HS3ST4: variants seen among roughly 807,000 people sequenced by gnomAD.
HS3ST4 encodes heparan sulfate-glucosamine 3-sulfotransferase 4.
A neutral mutation model predicts 29.2 loss-of-function variants in HS3ST4; 17 were observed. That is an observed-to-expected ratio of 0.58 (90% CI 0.40 to 0.87). HS3ST4 has a LOEUF of 0.87. Among genes scored for constraint, HS3ST4 ranks in the 40% least tolerant of loss-of-function variants. The pLI is 0.00. For synonymous variants in HS3ST4, 314 were observed against 285.7 expected (o/e 1.10, Z -1.00); for missense variants, 627 against 634.5 (o/e 0.99, Z 0.13).
chr16:25,924,247 A>G (rs1483599741), intron 1 of HS3ST4, among the ~76,000 whole-genome samples: 1 of 152,166 alleles, frequency 6.6e-6, no homozygotes, highest in African/African-American at 2.4e-5. Flanking sequence ...AAGTCCTGAC[A>G]ATTTTACCCC....
chr16:25,819,372 G>A (rs72778992), intron 1 of HS3ST4, among the ~76,000 whole-genome samples: 33,027 of 152,074 alleles, frequency 0.22, 3,881 homozygotes, highest in Non-Finnish European at 0.25. Context: ...ACAGCCCTGT[G>A]CAGTTTATGT....
chr16:26,039,820 G>A (rs1197208483), intron 1 of HS3ST4, among the ~76,000 whole-genome samples: 1 of 151,700 alleles, frequency 6.6e-6, no homozygotes, highest in Admixed American at 6.6e-5. Flanking sequence ...TTTTATACCT[G>A]TATATATTCT....
chr16:25,991,163 T>C (rs1374508608), intron 1 of HS3ST4, among the ~76,000 whole-genome samples: 2 of 152,026 alleles, frequency 1.3e-5, no homozygotes, highest in East Asian at 1.9e-4. Context: ...ATAACATTGA[T>C]AGCAACTAAT....
intron 1 of HS3ST4, among the ~76,000 whole-genome samples, chr16:25,967,803 T>C (rs778355628): frequency 3.3e-5 from 5 of 152,146 alleles, no homozygotes; most frequent in African/African-American, 1.2e-4. Context: ...TTTGTGACTC[T>C]GAGAGTTCCT....
In HS3ST4 at chr16:26,066,912, A is replaced by G. The variant is rs536707509; in HGVS notation, c.735-68700A>G. 4.6e-5 allele frequency among the ~76,000 whole-genome samples: 7 copies of G among 152,306 alleles called. No homozygotes were observed. The South Asian group carries it at 8.3e-4, about 18-fold the overall frequency. ...GGAATGAATTCCTGTGGGGTTGTGT[A>G]GGCATCAGCAAATTTTATGTAGTAA... On this transcript the variant is annotated intron_variant, in intron 1 of 1. Transcript: ENST00000331351.
At chr16:25,762,729 CA>C (rs892581256) in intron 1 of HS3ST4, among the ~76,000 whole-genome samples, 1 of 151,136 alleles carries the variant, frequency 6.6e-6, no homozygotes, top group African/African-American at 2.4e-5. Flanking sequence ...AACAAACAAA[CA>C]AAAAAACCAC....
chr16:25,835,719 C>G (rs1217268006), intron 1 of HS3ST4, among the ~76,000 whole-genome samples: 9 of 152,162 alleles, frequency 5.9e-5, no homozygotes, highest in African/African-American at 9.7e-5. Flanking sequence ...TGTGCTGTTT[C>G]TTTTCACTGA....
At chr16:26,118,915 G>C (rs1899235104) in intron 1 of HS3ST4, among the ~76,000 whole-genome samples, 1 of 152,136 alleles carries the variant, frequency 6.6e-6, no homozygotes, top group Non-Finnish European at 1.5e-5. Flanking sequence ...ATTTTTGAAA[G>C]GATTTAAGCA....
rs1430850221 is a variant in HS3ST4 at position 25,927,051 on chromosome 16, A to G, written c.735-208561A>G. On this transcript the variant is annotated intron_variant, in intron 1 of 1. Coordinates refer to ENST00000331351, the MANE Select transcript of HS3ST4 (RefSeq NM_006040.3). ...CACTCCAGCCTGGGCGACAAGAGCGAAACTCCGTCTAAAAGAAAAAAAAAA... is the reference window on the plus strand; with the variant it reads ...CACTCCAGCCTGGGCGACAAGAGCGGAACTCCGTCTAAAAGAAAAAAAAAA... Among the ~76,000 whole-genome samples, 6 of 149,922 alleles carry G rather than the reference A, an allele frequency of 4.0e-5. No homozygotes were observed. In the East Asian group the frequency reaches 1.2e-3, roughly 29 times the overall value.
At chr16:25,803,349 A>G (rs961287437) in intron 1 of HS3ST4, among the ~76,000 whole-genome samples, 2 of 152,202 alleles carry the variant, frequency 1.3e-5, no homozygotes, top group Admixed American at 1.3e-4. Context: ...GACTTTAGTG[A>G]GAATTCCTCC....
At chr16:25,946,634 G>A (rs1272177056) in intron 1 of HS3ST4, among the ~76,000 whole-genome samples, 1 of 152,182 alleles carries the variant, frequency 6.6e-6, no homozygotes, top group African/African-American at 2.4e-5. Flanking sequence ...CAAGTTAGTG[G>A]CAGACATGGA....
intron 1 of HS3ST4, among the ~76,000 whole-genome samples, chr16:25,882,146 C>T (rs1162846441): frequency 3.9e-5 from 6 of 152,148 alleles, no homozygotes; most frequent in Non-Finnish European, 7.4e-5. Context: ...GTGATGAGTG[C>T]CTTCTCTTTC....
At chr16:25,822,370 G>C (rs367977986) in intron 1 of HS3ST4, among the ~76,000 whole-genome samples, 1 of 152,028 alleles carries the variant, frequency 6.6e-6, no homozygotes, top group Non-Finnish European at 1.5e-5. Flanking sequence ...CCTCCAAAAC[G>C]CCTCACCTCT....
At chr16:25,726,398 G>A (rs1014563899) in intron 1 of HS3ST4, among the ~76,000 whole-genome samples, 1 of 152,004 alleles carries the variant, frequency 6.6e-6, no homozygotes, top group African/African-American at 2.4e-5. Flanking sequence ...TGCTTTCAAT[G>A]TTTTTCTAGT....
intron 1 of HS3ST4, among the ~76,000 whole-genome samples, chr16:26,013,819 C>A (rs1055482726): frequency 2.6e-5 from 4 of 151,986 alleles, no homozygotes; most frequent in Admixed American, 2.6e-4. Flanking sequence ...ACCATCCTGG[C>A]CAACATGGTG....
chr16:25,700,989 A>G (rs562399281), intron 1 of HS3ST4, among the ~76,000 whole-genome samples: 91 of 152,338 alleles, frequency 6.0e-4, no homozygotes, highest in Middle Eastern at 3.4e-3. Flanking sequence ...ACTATTGTAA[A>G]CAACAAAAGA....
At chr16:26,023,368 A>C (rs1359194512) in intron 1 of HS3ST4, among the ~76,000 whole-genome samples, 1 of 151,922 alleles carries the variant, frequency 6.6e-6, no homozygotes. Flanking sequence ...ATTCAAATAG[A>C]TAGAAGAATA....
intron 1 of HS3ST4, among the ~76,000 whole-genome samples, chr16:25,973,879 G>C (rs549577815): frequency 6.6e-6 from 1 of 152,126 alleles, no homozygotes; most frequent in African/African-American, 2.4e-5. Context: ...TTTATAGTCC[G>C]TGTGCCTAAA....
At chr16:26,055,592 CA>C (rs1367815892) in intron 1 of HS3ST4, among the ~76,000 whole-genome samples, 1 of 152,122 alleles carries the variant, frequency 6.6e-6, no homozygotes, top group African/African-American at 2.4e-5. Flanking sequence ...CAATACCCAC[CA>C]ATGCTTAGTT....
Sources: gnomAD v4.1 joint callset for allele counts (sites outside exome capture counted in the v4.1 genomes callset) on GRCh38, gnomAD v4.1.1 for gene constraint, MANE v1.5 for transcripts, NCBI Gene and HGNC (gene_info 2026-07-23, HGNC 2026-07-21) for gene names.